The following FGG variants were observed in gnomAD, a reference collection of about 807,000 sequenced individuals.
FGG encodes fibrinogen, gamma polypeptide.
In FGG, 20 loss-of-function variants were observed where a neutral mutation model predicts 51.7. That is an observed-to-expected ratio of 0.39 (90% CI 0.27 to 0.56). The LOEUF (loss-of-function observed/expected upper bound fraction) is 0.56, where lower values mean the gene tolerates loss of function less well. Ranked by LOEUF, FGG falls within the 20% of genes least tolerant of loss-of-function variation. The pLI, the probability that FGG is intolerant of heterozygous loss-of-function variation, is 0.64. For missense variants in FGG, 460 were observed against 534.2 expected (o/e 0.86, Z 1.37); for synonymous variants, 184 against 184.7 (o/e 1.00, Z 0.03).
chr4:154,604,895 A>T lies in FGG; in HGVS notation c.1301T>A (p.Val434Asp). The change falls in exon 9 of 9, where the codon GTC becomes GAC. Residue 434 changes from valine to aspartate, a missense_variant. Val to Asp is a radical substitution (Grantham distance 152, BLOSUM62 -3). Transcript: ENST00000336098. ...QQHHLGGAKQ[V>D]RPEHPAETEY... ...TGTTTCCGCAGGGTGCTCTGGTCTG[A>T]CCTGTTTGGCTCCCCCCAGGTGGTG... 6.2e-7 allele frequency: 1 copy of T among 1,614,106 alleles called. No homozygotes were observed. Among genetic ancestry groups the T allele is most frequent in the South Asian group, 1.1e-5 (1 of 91,074 alleles).
In FGG at chr4:154,609,964, G is replaced by A. The variant is rs1046742740; in HGVS notation, c.532+103C>T. On this transcript the variant is annotated intron_variant, in intron 5 of 8. Transcript: ENST00000336098. ...ACAACTGAAATTCTTAGACTTAATG[G>A]GTAGCCACTTTCTAAACTATTCCTA... The A allele has an allele frequency of 1.5e-5, 24 of 1,550,128 alleles. No homozygotes were observed. The African/African-American group carries it at 2.7e-4, about 18-fold the overall frequency.
At chr4:154,607,912 A>T (rs368023059) in intron 7 of FGG, among the ~76,000 whole-genome samples, 19 of 152,192 alleles carry the variant, frequency 1.2e-4, no homozygotes, top group African/African-American at 4.6e-4. Flanking sequence ...AAGCCTCTAG[A>T]TCATCAAAAG....
rs766548308 is a variant in FGG, at chr4:154,606,920, G to A, written c.914C>T (p.Ala305Val). 1 of 1,613,594 alleles carries A rather than the reference G, an allele frequency of 6.2e-7. No individual in the cohort carries two copies. The highest frequency in any genetic ancestry group is 1.3e-5 in the African/African-American group (1 of 74,872). ...TCCAGCATCCCCACCAGCGAAGTAGGCATATGTTAGGCGGTACTTGTCAGC... is the reference window on the plus strand; with the variant it reads ...TCCAGCATCCCCACCAGCGAAGTAGACATATGTTAGGCGGTACTTGTCAGC... ...PEADKYRLTY[A>V]YFAGGDAGDA... is the part of the protein sequence containing the mutation. Residue 305 changes from alanine to valine, a missense_variant, in exon 8 of 9, where the codon GCC becomes GTC. Physicochemically the swap from Ala to Val is moderately conservative, Grantham distance 64. Transcript: ENST00000336098.
intron 4 of FGG, chr4:154,611,212 C>T (rs1417865445): frequency 6.6e-6 from 1 of 151,922 alleles, no homozygotes. Context: ...TATCTGAGAC[C>T]TTATGTTCAG....
Position 154,604,320 on chromosome 4 carries a change from A to T in FGG, c.*514T>A. On this transcript the variant is annotated 3_prime_UTR_variant, in exon 9 of 9. Coordinates refer to ENST00000336098, the MANE Select transcript of FGG (RefSeq NM_021870.3). Reference sequence around the variant, plus strand: ...CAGATAAAGTCCTTTAAAAAAGTAAATCTCTTTTGAAACGGTCTTTTAAAC... The same window carrying T: ...CAGATAAAGTCCTTTAAAAAAGTAATTCTCTTTTGAAACGGTCTTTTAAAC... The T allele has an allele frequency of 6.6e-7, 1 of 1,512,648 alleles. No homozygotes were observed. Among genetic ancestry groups the T allele is most frequent in the African/African-American group, 1.4e-5 (1 of 70,680 alleles). The allele number at this position is 1,512,648 out of a possible 1,614,324, so 93.7% of individuals were successfully genotyped here. A position where few individuals can be genotyped will look rare whatever the true frequency, so the allele number is the denominator to read the frequency against.
rs1312756348 is a variant in FGG, at chr4:154,604,765, G to GA, written c.*68dup. On this transcript the variant is annotated 3_prime_UTR_variant, in exon 9 of 9. Coordinates refer to ENST00000336098, the MANE Select transcript of FGG (RefSeq NM_021870.3). ...CTTGAAATCAATAAATATAGTAAGA[G>GA]AAAAAAGGAAGAAACTTTCAGAGAA... is the stretch of plus-strand genomic sequence containing the variant. 4.4e-6 allele frequency: 7 copies of GA among 1,605,900 alleles called. No individual in the cohort carries two copies. Among genetic ancestry groups the GA allele is most frequent in the African/African-American group, 2.7e-5 (2 of 74,718 alleles).
At chr4:154,609,805 G>A (rs563642550) in intron 5 of FGG, 42 bp from the exon 6 acceptor site, 4 of 1,613,758 alleles carry the variant, frequency 2.5e-6, no homozygotes, top group East Asian at 2.2e-5. Flanking sequence ...TTGAAATGCA[G>A]GTAAGACTGT....
chr4:154,612,521 A>G lies in FGG; in HGVS notation c.78+11T>C, dbSNP rs1448576615. 2 of 1,613,920 alleles carry G rather than the reference A, an allele frequency of 1.2e-6. No individual in the cohort carries two copies. Among genetic ancestry groups the G allele is most frequent in the Non-Finnish European group, 8.5e-7 (1 of 1,179,766 alleles). Reference sequence around the variant, plus strand: ...CCATTTTAAACAACGTTTTGTGAAGAGCACACTTACTGCTACACATGTTGA... The same window carrying G: ...CCATTTTAAACAACGTTTTGTGAAGGGCACACTTACTGCTACACATGTTGA... On this transcript the variant is annotated intron_variant, in intron 1 of 8. Coordinates refer to ENST00000336098, the MANE Select transcript of FGG (RefSeq NM_021870.3).
intron 7 of FGG, among the ~76,000 whole-genome samples, chr4:154,607,485 T>G (rs1018745158): frequency 6.6e-6 from 1 of 152,152 alleles, no homozygotes; most frequent in Non-Finnish European, 1.5e-5. Flanking sequence ...AGTGTGGTAG[T>G]GGCAAGAAGG....
chr4:154,608,414 C>T, intron 7 of FGG, 52 bp downstream of exon 7: 9 of 1,555,506 alleles, frequency 5.8e-6, no homozygotes, highest in Non-Finnish European at 7.0e-6. Flanking sequence ...GGAAAGTGCA[C>T]ATTCCAGGCA....
At position 154,609,779 on chromosome 4, in the gene FGG, C is replaced by A; in HGVS notation, c.533-16G>T. On this transcript the variant is annotated splice_polypyrimidine_tract_variant and intron_variant, in intron 5 of 8. Coordinates refer to ENST00000336098, the MANE Select transcript of FGG (RefSeq NM_021870.3). ...TCTTGACAATCTAGAGAAGGAGAAT[C>A]GACTTTTACTGTGGTTTGAAATGCA... 16 of 1,613,942 alleles carry A rather than the reference C, an allele frequency of 9.9e-6. No individual in the cohort carries two copies. Among genetic ancestry groups the A allele is most frequent in the Non-Finnish European group, 1.4e-5 (16 of 1,179,932 alleles).
At chr4:154,610,409 C>CA (rs1396333980) in intron 4 of FGG, among the ~76,000 whole-genome samples, 8 of 152,004 alleles carry the variant, frequency 5.3e-5, no homozygotes, top group African/African-American at 1.9e-4. Context: ...AAAAACAAAT[C>CA]AAAAAATCAA....
At chr4:154,609,807 T>C (rs772643860) in intron 5 of FGG, 44 bp from the exon 6 acceptor site, 2 of 1,613,634 alleles carry the variant, frequency 1.2e-6, no homozygotes, top group African/African-American at 2.7e-5. Context: ...GAAATGCAGG[T>C]AAGACTGTGC....
rs1731180812 is a variant in FGG at position 154,610,149 on chromosome 4, C to G, written c.450G>C (p.Leu150=). The G allele has an allele frequency of 1.2e-6, 2 of 1,604,352 alleles. No homozygotes were observed. The highest frequency in any genetic ancestry group is 2.7e-5 in the African/African-American group (2 of 74,706). Residue 150 remains leucine (L), a synonymous_variant, in exon 5 of 9, where the codon CTG becomes CTC. Transcript: ENST00000336098. ...CTTCAAGCTGGGCTACCTTCTCTTT[C>G]AGGTTAACAATCTTTTGATTATTTG... ...YNSNNQKIVN[L]KEKVAQLEAQ... is the part of the protein sequence containing the mutation.
At chr4:154,610,945 A>G (rs1731199840) in intron 4 of FGG, among the ~76,000 whole-genome samples, 1 of 152,170 alleles carries the variant, frequency 6.6e-6, no homozygotes, top group Non-Finnish European at 1.5e-5. Flanking sequence ...GAAGTAAAAA[A>G]GGGTAGACAA....
chr4:154,607,026 G>T, intron 7 of FGG, 44 bp from the exon 8 acceptor site: 1 of 1,518,450 alleles, frequency 6.6e-7, no homozygotes, highest in Non-Finnish European at 8.8e-7. Context: ...ACCCTCCTCA[G>T]GGATCTCAGA....
chr4:154,610,948 G>A (rs759167692), intron 4 of FGG, among the ~76,000 whole-genome samples: 1 of 152,060 alleles, frequency 6.6e-6, no homozygotes, highest in Non-Finnish European at 1.5e-5. Context: ...GTAAAAAAGG[G>A]TAGACAAACT....
At chr4:154,607,418 T>C (rs1222026599) in intron 7 of FGG, among the ~76,000 whole-genome samples, 2 of 152,190 alleles carry the variant, frequency 1.3e-5, no homozygotes, top group East Asian at 3.9e-4. Flanking sequence ...TACAGTTCCA[T>C]TAGCCACTCA....
chr4:154,605,769 A>C (rs1012739346), intron 8 of FGG, among the ~76,000 whole-genome samples: 1 of 152,122 alleles, frequency 6.6e-6, no homozygotes, highest in Non-Finnish European at 1.5e-5. Context: ...TACTTTAAAT[A>C]AACTGTGCAA....
Sources: allele counts gnomAD v4.1 joint callset (sites outside exome capture counted in the v4.1 genomes callset), GRCh38; gene constraint gnomAD v4.1.1; transcripts MANE v1.5; gene names NCBI Gene and HGNC (gene_info 2026-07-23, HGNC 2026-07-21).